The following KAT14 variants were observed in gnomAD, a reference collection of about 807,000 sequenced individuals.
KAT14 encodes the protein cysteine-rich protein 2-binding protein.
In KAT14, 66 loss-of-function variants were observed where a neutral mutation model predicts 78.4. The ratio of observed to expected loss-of-function variants is 0.84; its 90% CI spans 0.69 to 1.03. KAT14 has a LOEUF of 1.03. Ranked by LOEUF, KAT14 falls within the 50% of genes least tolerant of loss-of-function variation. The pLI, the probability that KAT14 is intolerant of heterozygous loss-of-function variation, is 0.00. For missense variants in KAT14, 870 were observed against 972.5 expected, an observed-to-expected ratio of 0.89 and a Z score of 1.40; for synonymous variants, 344 against 359.4, an observed-to-expected ratio of 0.96 and a Z score of 0.48.
intron 7 of KAT14, among the ~76,000 whole-genome samples, chr20:18,171,136 A>G (rs1373495272): frequency 6.6e-6 from 1 of 152,194 alleles, no homozygotes; most frequent in Non-Finnish European, 1.5e-5. Flanking sequence ...GATTCATGGG[A>G]GGAATCAAAA....
rs753980792 is a variant in KAT14 at position 18,185,546 on chromosome 20, A to G, written c.2172+754A>G. 2.6e-3 allele frequency among the ~76,000 whole-genome samples: 393 copies of G among 152,336 alleles called. 5 individuals carry two copies. The highest frequency in any genetic ancestry group is 8.7e-4 in the Non-Finnish European group (59 of 68,036). On this transcript the variant is annotated intron_variant, in intron 10 of 10. Coordinates refer to ENST00000688188, the MANE Select transcript of KAT14 (RefSeq NM_001392073.1). Reference sequence around the variant, plus strand: ...TAGTTTGTAATTTTACTATCACTGTATAAGGCTGATATGAACCTTCTAAGA... The same window carrying G: ...TAGTTTGTAATTTTACTATCACTGTGTAAGGCTGATATGAACCTTCTAAGA...
chr20:18,153,902 T>C (rs2038136211), intron 4 of KAT14, among the ~76,000 whole-genome samples: 1 of 152,232 alleles, frequency 6.6e-6, no homozygotes. Flanking sequence ...AAATTGTAGC[T>C]GGATCCCATG....
intron 7 of KAT14, among the ~76,000 whole-genome samples, chr20:18,181,330 T>G (rs6514849): frequency 0.3 from 45,615 of 150,744 alleles, 7,984 homozygotes; most frequent in Non-Finnish European, 0.41. Flanking sequence ...TAATTATATA[T>G]GGAAATTAAC....
intron 7 of KAT14, among the ~76,000 whole-genome samples, chr20:18,163,357 A>G (rs1429787847): frequency 6.6e-6 from 1 of 152,210 alleles, no homozygotes; most frequent in Non-Finnish European, 1.5e-5. Flanking sequence ...ATGAAGAAAT[A>G]GCAGCCAAGG....
intron 6 of KAT14, 68 bp downstream of exon 6, chr20:18,162,307 C>T (rs2038459165): frequency 6.2e-6 from 10 of 1,605,862 alleles, no homozygotes; most frequent in Non-Finnish European, 8.5e-6. Context: ...CAAGTTTTCA[C>T]CCCGTGGGCT....
At position 18,162,687 on chromosome 20, in the gene KAT14, G is replaced by C. The variant is rs763144328; in HGVS notation, c.1410G>C (p.Leu470=). ...TGAGCATCTACGAGGAAAAGCTGCTGCTCAAGAGGCTGGAAGCTTGTCCCG... is the reference window on the plus strand; with the variant it reads ...TGAGCATCTACGAGGAAAAGCTGCTCCTCAAGAGGCTGGAAGCTTGTCCCG... ...TPVSIYEEKL[L]LKRLEACPGA... is the part of the protein sequence containing the mutation. The change falls in exon 7 of 11, where the codon CTG becomes CTC. Residue 470 remains leucine, a synonymous_variant. Coordinates refer to ENST00000688188, the MANE Select transcript of KAT14 (RefSeq NM_001392073.1). The C allele has an allele frequency of 1.2e-6, 2 of 1,614,246 alleles. No individual in the cohort carries two copies. The highest frequency in any genetic ancestry group is 3.3e-5 in the Admixed American group (2 of 60,028).
chr20:18,151,035 ATTTAT>A (rs1268402431), intron 4 of KAT14, 93 bp downstream of exon 4: 2 of 1,487,402 alleles, frequency 1.3e-6, no homozygotes, highest in East Asian at 2.3e-5. Flanking sequence ...CTTGTTAGAG[ATTTAT>A]TTTAATTTTT....
chr20:18,168,399 A>C (rs150624852), intron 7 of KAT14, among the ~76,000 whole-genome samples: 3,373 of 152,236 alleles, frequency 0.022, 54 homozygotes, highest in Middle Eastern at 0.034. Context: ...CTGGTGGCGC[A>C]TGCCTATAAT....
Position 18,142,850 on chromosome 20 carries a change from G to GGA in KAT14, c.193_194dup (p.Asp65GlufsTer26). 2 of 1,614,180 alleles carry GGA rather than the reference G, an allele frequency of 1.2e-6. No individual in the cohort carries two copies. Among genetic ancestry groups the GGA allele is most frequent in the Non-Finnish European group, 1.7e-6 (2 of 1,180,034 alleles). ...TGGGGATTCCCTCAACAGTGATGAA[G>GGA]GAGACGTGTCTTGGATGGAGGAGCA... On this transcript the variant is annotated frameshift_variant, in exon 2 of 11. Coordinates refer to ENST00000688188, the MANE Select transcript of KAT14 (RefSeq NM_001392073.1). LOFTEE classifies it high-confidence loss of function.
chr20:18,156,277 G>A (rs748147266), intron 4 of KAT14, among the ~76,000 whole-genome samples: 4 of 152,122 alleles, frequency 2.6e-5, no homozygotes, highest in Non-Finnish European at 5.9e-5. Context: ...ATAGAGTTTC[G>A]GTTTTGCCCT....
chr20:18,154,276 C>T (rs1362847605), intron 4 of KAT14, among the ~76,000 whole-genome samples: 2 of 152,168 alleles, frequency 1.3e-5, no homozygotes, highest in Non-Finnish European at 2.9e-5. Context: ...TAAAGATTTT[C>T]ATTCTGCTAT....
chr20:18,137,419 C>G (rs1462846672), upstream of KAT14, among the ~76,000 whole-genome samples: 1 of 152,210 alleles, frequency 6.6e-6, no homozygotes, highest in African/African-American at 2.4e-5. Context: ...CGGATGGGAA[C>G]CCCGCGCCTC....
chr20:18,173,940 G>A (rs775782100), intron 7 of KAT14, among the ~76,000 whole-genome samples: 38 of 152,030 alleles, frequency 2.5e-4, no homozygotes, highest in Non-Finnish European at 5.0e-4. Context: ...AGAACATTTT[G>A]TTAACCCACA....
At chr20:18,144,510 C>T (rs1054012626) in intron 2 of KAT14, among the ~76,000 whole-genome samples, 2 of 152,114 alleles carry the variant, frequency 1.3e-5, no homozygotes, top group Non-Finnish European at 2.9e-5. Flanking sequence ...CAAAGAGACC[C>T]CTTTTCACCT....
Position 18,142,225 on chromosome 20 carries a change from T to A in KAT14, c.-436T>A. The A allele has an allele frequency of 6.5e-7, 1 of 1,537,184 alleles. No homozygotes were observed. The highest frequency in any genetic ancestry group is 8.7e-7 in the Non-Finnish European group (1 of 1,146,884). ...GTTTTTAGAGGCTTCGTGACGGAGT[T>A]ATCAGAGACATTGAGAGGCAAATTC... On this transcript the variant is annotated 5_prime_UTR_variant, in exon 2 of 11. Coordinates refer to ENST00000688188, the MANE Select transcript of KAT14 (RefSeq NM_001392073.1).
intron 10 of KAT14, among the ~76,000 whole-genome samples, chr20:18,186,239 C>G (rs556722561): frequency 6.6e-6 from 1 of 152,324 alleles, no homozygotes; most frequent in African/African-American, 2.4e-5. Flanking sequence ...CCCCTCCAGC[C>G]AGACCATACC....
At chr20:18,173,733 G>T (rs1373384135) in intron 7 of KAT14, among the ~76,000 whole-genome samples, 5 of 151,600 alleles carry the variant, frequency 3.3e-5, no homozygotes, top group African/African-American at 1.2e-4. Flanking sequence ...TTAATATCTG[G>T]TAATGAATAA....
intron 7 of KAT14, among the ~76,000 whole-genome samples, chr20:18,167,556 G>A (rs1041590034): frequency 6.6e-6 from 1 of 152,072 alleles, no homozygotes; most frequent in Non-Finnish European, 1.5e-5. Flanking sequence ...TTCTCAATAA[G>A]TGCTGCTTTA....
Position 18,162,899 on chromosome 20 carries a change from C to T in KAT14, c.1622C>T (p.Thr541Met), listed in dbSNP as rs1278764855. The stretch of plus-strand genomic sequence containing the variant: ...TCCAGACTTCCAGCTGGACAAGCCA[C>T]GTACAGAACCACCTGTCAGGACTTC... The part of the protein sequence containing the change: ...GISRLPAGQA[T>M]YRTTCQDFRI... The change falls in exon 7 of 11, where the codon ACG (threonine) becomes ATG (methionine). Residue 541 changes from threonine (T) to methionine (M), a missense_variant. Thr to Met is a moderately conservative substitution (Grantham distance 81). Transcript: ENST00000688188. 8 of 1,614,070 alleles carry T rather than the reference C, an allele frequency of 5.0e-6. No homozygotes were observed. The highest frequency in any genetic ancestry group is 4.5e-5 in the East Asian group (2 of 44,888).
Sources: allele counts gnomAD v4.1 joint callset (sites outside exome capture counted in the v4.1 genomes callset), GRCh38; gene constraint gnomAD v4.1.1; transcripts MANE v1.5; gene names NCBI Gene and HGNC (gene_info 2026-07-23, HGNC 2026-07-21).